The following CACNA1E variants were observed in gnomAD, a reference collection of about 807,000 sequenced individuals.
CACNA1E encodes calcium voltage-gated channel subunit alpha1 E, also known as voltage-dependent R-type calcium channel subunit alpha-1E.
In CACNA1E, 40 loss-of-function variants were observed where a neutral mutation model predicts 259.2. The ratio of observed to expected loss-of-function variants is 0.15; its 90% CI spans 0.12 to 0.20. The LOEUF (loss-of-function observed/expected upper bound fraction) is 0.20, where lower values mean the gene tolerates loss of function less well. Ranked by LOEUF, CACNA1E falls within the 10% of genes least tolerant of loss-of-function variation. CACNA1E has a pLI of 1.00. For synonymous variants in CACNA1E, 1,104 were observed against 1,138.5 expected, an observed-to-expected ratio of 0.97 and a Z score of 0.61; for missense variants, 1,874 against 3,040.1, an observed-to-expected ratio of 0.62 and a Z score of 9.02.
chr1:181,656,866 T>C (rs752246302), intron 7 of CACNA1E, among the ~76,000 whole-genome samples: 1 of 152,246 alleles, frequency 6.6e-6, no homozygotes, highest in Non-Finnish European at 1.5e-5. Flanking sequence ...CAGTATTTAG[T>C]ATAGTAACAT....
chr1:181,732,368 C>T lies in CACNA1E; in HGVS notation c.2298-16C>T, dbSNP rs189050461. ...TTCTGGGCTCTGACCGCGGCCCTGC[C>T]CTTTCCCCTTGGCAGGAGGGAGCGG... is the stretch of plus-strand genomic sequence containing the variant. On this transcript the variant is annotated splice_polypyrimidine_tract_variant and intron_variant, in intron 19 of 47. Coordinates refer to ENST00000367573, the MANE Select transcript of CACNA1E (RefSeq NM_001205293.3). The surrounding 1 kb of genome is among the most constrained non-coding windows in gnomAD (Gnocchi z 5.5). 6.2e-4 allele frequency: 932 copies of T among 1,500,536 alleles called. 6 individuals carry two copies. The African/African-American group carries it at 0.012, about 19-fold the overall frequency. The allele number at this position is 1,500,536 out of a possible 1,614,324, so 93.0% of individuals were successfully genotyped here.
At chr1:181,578,785 A>G (rs894706947) in intron 4 of CACNA1E, among the ~76,000 whole-genome samples, 2 of 152,200 alleles carry the variant, frequency 1.3e-5, no homozygotes, top group Non-Finnish European at 1.5e-5. Context: ...AGGATATGGC[A>G]TTTTCTGAAT....
At chr1:181,756,142 G>T in intron 29 of CACNA1E, 49 bp downstream of exon 29, 1 of 1,551,548 alleles carries the variant, frequency 6.4e-7, no homozygotes. Context: ...TAGGACCCCT[G>T]GTTGCCTTGA....
intron 6 of CACNA1E, among the ~76,000 whole-genome samples, chr1:181,637,272 G>C (rs537629056): frequency 6.6e-6 from 1 of 151,996 alleles, no homozygotes; most frequent in Non-Finnish European, 1.5e-5. Flanking sequence ...GATATACCTG[G>C]GAAGGGGTTA....
At chr1:181,615,147 A>G (rs1032641405) in intron 6 of CACNA1E, among the ~76,000 whole-genome samples, 19 of 152,248 alleles carry the variant, frequency 1.2e-4, no homozygotes, top group African/African-American at 3.4e-4. Context: ...ACTTTTTCTC[A>G]TTAAAGTTTT....
At chr1:181,418,823 C>A (rs1219394845) in intron 2 of CACNA1E, among the ~76,000 whole-genome samples, 1 of 151,874 alleles carries the variant, frequency 6.6e-6, no homozygotes, top group Non-Finnish European at 1.5e-5. Flanking sequence ...GTCCAAGCAC[C>A]TTTTATTATT....
intron 35 of CACNA1E, among the ~76,000 whole-genome samples, chr1:181,769,715 A>G (rs377522667): frequency 2.6e-5 from 4 of 152,370 alleles, no homozygotes; most frequent in East Asian, 3.9e-4. Flanking sequence ...ATCATAATGA[A>G]TTCAACTCAT....
chr1:181,540,806 C>A (rs113207976), intron 3 of CACNA1E, among the ~76,000 whole-genome samples: 15 of 152,300 alleles, frequency 9.8e-5, no homozygotes, highest in African/African-American at 3.1e-4. Context: ...TTAAAACAGT[C>A]AGGTATAATC....
intron 1 of CACNA1E, among the ~76,000 whole-genome samples, chr1:181,328,365 A>T (rs1052840149): frequency 2.2e-4 from 33 of 152,330 alleles, no homozygotes; most frequent in African/African-American, 7.9e-4. Context: ...ATACCATTAC[A>T]ATGGTGAATA....
intron 1 of CACNA1E, among the ~76,000 whole-genome samples, chr1:181,486,581 C>G (rs1451494043): frequency 1.3e-5 from 2 of 152,132 alleles, no homozygotes; most frequent in Non-Finnish European, 2.9e-5. Flanking sequence ...GCTAGGCTGC[C>G]TGGGTTGAAA....
intron 1 of CACNA1E, among the ~76,000 whole-genome samples, chr1:181,339,861 TG>T (rs1421359408): frequency 6.6e-6 from 1 of 152,140 alleles, no homozygotes; most frequent in East Asian, 1.9e-4. Flanking sequence ...ATTAGACTTT[TG>T]TAGTAATTCA....
At position 181,418,093 on chromosome 1, in the gene CACNA1E, C is replaced by A. The variant is rs181686629; in HGVS notation, c.434+4513C>A. On this transcript the variant is annotated intron_variant, in intron 2 of 11. Coordinates refer to the CACNA1E transcript ENST00000524607. ...GAATCCAATGGGTGTTCCTTCGTGT[C>A]CATCTTCCTTGACCTAGCAGCAACA... Among the ~76,000 whole-genome samples the A allele has an allele frequency of 1.3e-4, 20 of 152,318 alleles. 1 individual carries two copies. The highest frequency in any genetic ancestry group is 3.6e-4 in the African/African-American group (15 of 41,556).
chr1:181,676,683 T>A (rs1297095274), intron 7 of CACNA1E, among the ~76,000 whole-genome samples: 1 of 152,166 alleles, frequency 6.6e-6, no homozygotes, highest in Admixed American at 6.5e-5. Context: ...ACATGTCAAG[T>A]TGAGTGGATG....
intron 22 of CACNA1E, among the ~76,000 whole-genome samples, chr1:181,736,664 G>A (rs1656064177): frequency 6.6e-6 from 1 of 152,186 alleles, no homozygotes; most frequent in African/African-American, 2.4e-5. Flanking sequence ...ACATCGACAG[G>A]AGAACATGAG....
At chr1:181,766,491 T>G in intron 34 of CACNA1E, 55 bp from the exon 35 acceptor site, 289 of 1,345,968 alleles carry the variant, frequency 2.1e-4, no homozygotes, top group Non-Finnish European at 2.8e-4. Context: ...TGCAGGTTGT[T>G]GAGCTTGGGT....
In CACNA1E at chr1:181,721,989, A is replaced by C. The variant is rs76758259; in HGVS notation, c.2074+114A>C. On this transcript the variant is annotated intron_variant, in intron 16 of 47. Coordinates refer to ENST00000367573, the MANE Select transcript of CACNA1E (RefSeq NM_001205293.3). ...GGGTTGGTGGGACAGGGGCGTGGAC[A>C]TTGTTTGGTGTACTAAAGTAAATAA... 1.5e-3 allele frequency: 1,090 copies of C among 711,504 alleles called. 8 individuals are homozygous for C. In the African/African-American group the frequency reaches 0.017, roughly 11 times the overall value. The allele number at this position is 711,504 out of a possible 1,614,324, so 44.1% of individuals were successfully genotyped here.
intron 1 of CACNA1E, among the ~76,000 whole-genome samples, chr1:181,360,651 A>T (rs554390984): frequency 6.6e-6 from 1 of 152,286 alleles, no homozygotes; most frequent in East Asian, 1.9e-4. Flanking sequence ...AATGTTCTGG[A>T]ATTAGATAGT....
chr1:181,727,191 A>G (rs913959664), intron 18 of CACNA1E, among the ~76,000 whole-genome samples: 9 of 152,360 alleles, frequency 5.9e-5, no homozygotes, highest in African/African-American at 9.6e-5. Context: ...AGTCATTAGT[A>G]TGGGTCAGAT....
At chr1:181,553,950 C>T (rs975695375) in intron 3 of CACNA1E, among the ~76,000 whole-genome samples, 2 of 152,128 alleles carry the variant, frequency 1.3e-5, no homozygotes, top group African/African-American at 4.8e-5. Context: ...AGCAGAGCCA[C>T]AGAGAGGTAA....
Sources: gnomAD v4.1 joint callset for allele counts (sites outside exome capture counted in the v4.1 genomes callset) on GRCh38, gnomAD v4.1.1 for gene constraint, Gnocchi (gnomAD v3.1) non-coding constraint, MANE v1.5 for transcripts, NCBI Gene and HGNC (gene_info 2026-07-23, HGNC 2026-07-21) for gene names.